Variants in TRAPPC6A observed in about 807,000 individuals in gnomAD.
TRAPPC6A encodes trafficking protein particle complex subunit 6A.
A neutral mutation model predicts 20.8 loss-of-function variants in TRAPPC6A; 25 were observed. That is an observed-to-expected ratio of 1.20 (90% confidence interval 0.88 to 1.68). TRAPPC6A has a LOEUF of 1.68. Ranked by LOEUF, TRAPPC6A falls within the 40% of genes most tolerant of loss-of-function variation. TRAPPC6A has a pLI of 0.00. For synonymous variants in TRAPPC6A, 96 were observed against 93.3 expected, an observed-to-expected ratio of 1.03 and a Z score of -0.16; for missense variants, 215 against 211.6, an observed-to-expected ratio of 1.02 and a Z score of -0.10.
chr19:45,165,152 G>A lies in TRAPPC6A; in HGVS notation c.127C>T (p.Arg43Cys), dbSNP rs779559993. ...CTCTCGCCTAGAGCCTGGCCCACAC[G>A]GAACCCCATACCCTCCAGGACCGAC... ...SLSVLEGMGF[R>C]VGQALGERLP... is the part of the protein sequence containing the mutation. The change falls in exon 2 of 6, where the codon CGT (arginine) becomes TGT (cysteine). Residue 43 changes from arginine to cysteine, a missense_variant. Arg to Cys is a radical substitution (Grantham distance 180). Transcript: ENST00000585934. 3.4e-5 allele frequency: 55 copies of A among 1,610,518 alleles called. No individual in the cohort carries two copies. Among genetic ancestry groups the A allele is most frequent in the Admixed American group, 8.4e-5 (5 of 59,656 alleles).
At chr19:45,178,106 G>C (rs775645770) in intron 1 of TRAPPC6A, 29 bp downstream of exon 1, 5 of 1,612,482 alleles carry the variant, frequency 3.1e-6, no homozygotes, top group Non-Finnish European at 2.5e-6. Context: ...GGTGGCCCCC[G>C]CTTCCTCCCC....
rs201975024 is a variant in TRAPPC6A, at chr19:45,164,900, C to T, written c.223G>A (p.Val75Met). Residue 75 changes from valine (V) to methionine (M), a missense_variant, in exon 3 of 6, where the codon GTG (valine) becomes ATG (methionine). Transcript: ENST00000585934. ...TCCATCTGCTTCTGGAACACCGCCACCCACAGGTCTTTGCACAAGAACTTG... is the reference window on the plus strand; with the variant it reads ...TCCATCTGCTTCTGGAACACCGCCATCCACAGGTCTTTGCACAAGAACTTG... ...VLKFLCKDLW[V>M]AVFQKQMDSL... 441 of 1,614,148 alleles carry T rather than the reference C, an allele frequency of 2.7e-4. 2 individuals carry two copies. The East Asian group carries it at 9.4e-3, about 34-fold the overall frequency.
At chr19:45,175,790 GT>G (rs145928246) in intron 1 of TRAPPC6A, among the ~76,000 whole-genome samples, 4,525 of 152,124 alleles carry the variant, frequency 0.03, 228 homozygotes, top group African/African-American at 0.1. Context: ...GGACTCCAGG[GT>G]TTCTCGTTTG....
chr19:45,174,602 G>A (rs1969326743), intron 1 of TRAPPC6A, among the ~76,000 whole-genome samples: 1 of 151,952 alleles, frequency 6.6e-6, no homozygotes, highest in Non-Finnish European at 1.5e-5. Flanking sequence ...GCTGAGGCCA[G>A]AGGATCGCTT....
At chr19:45,166,016 A>T (rs893461086) in intron 1 of TRAPPC6A, among the ~76,000 whole-genome samples, 1 of 151,948 alleles carries the variant, frequency 6.6e-6, no homozygotes, top group East Asian at 1.9e-4. Context: ...GGTTCTAGCA[A>T]TTCTCCTGCC....
At chr19:45,166,776 T>C (rs1969162876) in intron 1 of TRAPPC6A, among the ~76,000 whole-genome samples, 1 of 152,098 alleles carries the variant, frequency 6.6e-6, no homozygotes, top group African/African-American at 2.4e-5. Context: ...TCTCCTGCCC[T>C]TGACCCCCAC....
At chr19:45,164,755 TC>T in intron 3 of TRAPPC6A, 97 bp downstream of exon 3, 1 of 1,141,884 alleles carries the variant, frequency 8.8e-7, no homozygotes, top group East Asian at 2.3e-5. Context: ...TCTGGGCGGG[TC>T]CCGGCAGCCG....
At chr19:45,168,974 C>T (rs1383930779) in intron 1 of TRAPPC6A, among the ~76,000 whole-genome samples, 1 of 152,214 alleles carries the variant, frequency 6.6e-6, no homozygotes, top group African/African-American at 2.4e-5. Context: ...GCCTCGCCCT[C>T]ATGGGTGACA....
rs550611085 is a variant in TRAPPC6A, at chr19:45,165,175, G to A, written c.104C>T (p.Ser35Leu). The A allele has an allele frequency of 3.7e-6, 6 of 1,607,060 alleles. No homozygotes were observed. Among genetic ancestry groups the A allele is most frequent in the Middle Eastern group, 1.7e-4 (1 of 6,044 alleles). Residue 35 changes from serine to leucine, a missense_variant, in exon 2 of 6, where the codon TCG becomes TTG. By Grantham distance (145) the Ser-to-Leu change is moderately radical. Transcript: ENST00000585934. ...PGPGGQKMSL[S>L]VLEGMGFRVG... is the part of the protein sequence containing the mutation. Reference sequence around the variant, plus strand: ...ACGGAACCCCATACCCTCCAGGACCGACAGGCTCATCTTCTGTCCCTAGAA... The same window carrying A: ...ACGGAACCCCATACCCTCCAGGACCAACAGGCTCATCTTCTGTCCCTAGAA...
intron 1 of TRAPPC6A, among the ~76,000 whole-genome samples, chr19:45,171,300 A>T (rs73564254): frequency 0.058 from 3,457 of 60,038 alleles, 143 homozygotes; most frequent in African/African-American, 0.25. Flanking sequence ...AGACTCAGTC[A>T]CAAAACAAAA....
intron 1 of TRAPPC6A, among the ~76,000 whole-genome samples, chr19:45,176,442 C>T (rs112340872): frequency 0.088 from 13,285 of 151,738 alleles, 851 homozygotes; most frequent in Non-Finnish European, 0.13. Flanking sequence ...CCAGCCTGGG[C>T]GACAGAGCAA....
intron 1 of TRAPPC6A, among the ~76,000 whole-genome samples, chr19:45,170,714 C>T (rs1969250970): frequency 6.6e-6 from 1 of 152,214 alleles, no homozygotes; most frequent in Non-Finnish European, 1.5e-5. Context: ...AATGGCAGTA[C>T]CTGCTCACAG....
intron 1 of TRAPPC6A, among the ~76,000 whole-genome samples, chr19:45,166,275 T>C (rs1038039988): frequency 8.6e-5 from 13 of 151,396 alleles, no homozygotes; most frequent in African/African-American, 2.9e-4. Flanking sequence ...GGTGCAATGC[T>C]GGCTCACTGC....
Position 45,172,889 on chromosome 19 carries a change from C to T in TRAPPC6A, c.84+5246G>A, listed in dbSNP as rs893747653. Among the ~76,000 whole-genome samples the T allele has an allele frequency of 2.6e-5, 4 of 151,694 alleles. No homozygotes were observed. The highest frequency in any genetic ancestry group is 1.3e-4 in the Admixed American group (2 of 15,264). On this transcript the variant is annotated intron_variant, in intron 1 of 5. Coordinates refer to ENST00000585934, the MANE Select transcript of TRAPPC6A (RefSeq NM_001270891.2). This position sits in a 1 kb window ranked among gnomAD's most constrained non-coding sequence, Gnocchi z 4.2. ...ACCCGGCTATGGCTCCCACTGCCTTCGGGATGGAGCCCCAGTTCCCAGGAG... is the reference window on the plus strand; with the variant it reads ...ACCCGGCTATGGCTCCCACTGCCTTTGGGATGGAGCCCCAGTTCCCAGGAG...
chr19:45,168,618 T>C (rs1281061322), intron 1 of TRAPPC6A, among the ~76,000 whole-genome samples: 2 of 152,206 alleles, frequency 1.3e-5, no homozygotes, highest in Non-Finnish European at 2.9e-5. Context: ...GGAATCATTA[T>C]TTTTTCCTCA....
chr19:45,167,196 T>C (rs989382258), intron 1 of TRAPPC6A, among the ~76,000 whole-genome samples: 19 of 152,154 alleles, frequency 1.2e-4, no homozygotes, highest in Non-Finnish European at 7.3e-5. Flanking sequence ...ACAGACTGGC[T>C]GATGAGACAA....
rs1969043583 is a variant in TRAPPC6A at position 45,163,060 on chromosome 19, C to A, written c.*132G>T. ...CTGACACCCCCACCTCAATTTGATA[C>A]CCACTTCCTGAGCAAATGTGACCCC... On this transcript the variant is annotated 3_prime_UTR_variant, in exon 6 of 6. Coordinates refer to ENST00000585934, the MANE Select transcript of TRAPPC6A (RefSeq NM_001270891.2). This position sits in a 1 kb window ranked among gnomAD's most constrained non-coding sequence, Gnocchi z 5.3. 2 of 1,056,722 alleles carry A rather than the reference C, an allele frequency of 1.9e-6. No homozygotes were observed. The highest frequency in any genetic ancestry group is 1.5e-5 in the South Asian group (1 of 66,650). The allele number at this position is 1,056,722 out of a possible 1,614,324, so 65.5% of individuals were successfully genotyped here.
At chr19:45,175,693 G>A (rs1195944450) in intron 1 of TRAPPC6A, among the ~76,000 whole-genome samples, 4 of 152,142 alleles carry the variant, frequency 2.6e-5, no homozygotes, top group Non-Finnish European at 5.9e-5. Flanking sequence ...GACCAGGGCA[G>A]AGGAGGGGCC....
chr19:45,163,155 A>G lies in TRAPPC6A; in HGVS notation c.*37T>C, dbSNP rs940556629. The G allele has an allele frequency of 5.0e-6, 8 of 1,613,426 alleles. No homozygotes were observed. The highest frequency in any genetic ancestry group is 1.3e-5 in the African/African-American group (1 of 75,020). On this transcript the variant is annotated 3_prime_UTR_variant, in exon 6 of 6. Coordinates refer to ENST00000585934, the MANE Select transcript of TRAPPC6A (RefSeq NM_001270891.2). The surrounding 1 kb of genome is among the most constrained non-coding windows in gnomAD (Gnocchi z 5.3). ...ACCGTCTCCTGAGGCCGGTGAGGCC[A>G]GGGGCAGCAGTGCGGCTCAGCAGGT...
Sources: gnomAD v4.1 joint callset for allele counts (sites outside exome capture counted in the v4.1 genomes callset) on GRCh38, gnomAD v4.1.1 for gene constraint, Gnocchi (gnomAD v3.1) non-coding constraint, MANE v1.5 for transcripts, NCBI Gene and HGNC (gene_info 2026-07-23, HGNC 2026-07-21) for gene names.